C2CD3: variants seen among roughly 807,000 people sequenced by gnomAD.
The protein encoded by C2CD3 is C2 domain-containing protein 3.
A neutral mutation model predicts 234.0 loss-of-function variants in C2CD3; 148 were observed. The observed-to-expected ratio is 0.63, with a 90% CI of 0.55 to 0.72. The LOEUF is 0.72. Among genes scored for constraint, C2CD3 ranks in the 30% least tolerant of loss-of-function variants. The pLI, the probability that C2CD3 is intolerant of heterozygous loss-of-function variation, is 0.00. For synonymous variants in C2CD3, 1,000 were observed against 1,035.4 expected, an observed-to-expected ratio of 0.97 and a Z score of 0.66; for missense variants, 2,577 against 2,811.5, an observed-to-expected ratio of 0.92 and a Z score of 1.89.
In C2CD3 at chr11:74,118,267, TC is replaced by T; in HGVS notation, c.1480del (p.Asp494IlefsTer4). The T allele has an allele frequency of 6.2e-7, 1 of 1,613,944 alleles. No individual in the cohort carries two copies. The highest frequency in any genetic ancestry group is 8.5e-7 in the Non-Finnish European group (1 of 1,179,882). On this transcript the variant is annotated frameshift_variant, in exon 9 of 33. Transcript: ENST00000334126. LOFTEE classifies it high-confidence loss of function. ...ARSSKVLESS[D>X]HKLKKRSAGK... ...TGCTGACCTCTTCTTCAGCTTATGA[TC>T]ACTTGACTCCAGAACCTTAGATGAT...
chr11:74,085,415 A>T lies in C2CD3; in HGVS notation c.3910+203T>A, dbSNP rs991215265. 5 of 574,522 alleles carry T rather than the reference A, an allele frequency of 8.7e-6. No individual in the cohort carries two copies. The African/African-American group carries it at 9.3e-5, about 11-fold the overall frequency. 35.6% of individuals were successfully genotyped at this position (574,522 alleles called of 1,614,324 possible). A position where few individuals can be genotyped will look rare whatever the true frequency, so the allele number is the denominator to read the frequency against. Reference sequence around the variant, plus strand: ...TCGATACACCCATTAACACTGACACATTTGCTTTATTTCTCTCTACACTAT... The same window carrying T: ...TCGATACACCCATTAACACTGACACTTTTGCTTTATTTCTCTCTACACTAT... On this transcript the variant is annotated intron_variant, in intron 21 of 32. Transcript: ENST00000334126.
intron 24 of C2CD3, among the ~76,000 whole-genome samples, chr11:74,067,717 T>C (rs1322004102): frequency 1.3e-5 from 2 of 152,206 alleles, no homozygotes; most frequent in African/African-American, 4.8e-5. Context: ...GAACAGTATT[T>C]ATGCGGATTG....
intron 24 of C2CD3, among the ~76,000 whole-genome samples, chr11:74,058,038 A>G (rs1298429791): frequency 6.6e-6 from 1 of 152,188 alleles, no homozygotes; most frequent in Non-Finnish European, 1.5e-5. Flanking sequence ...CAGTTCATAA[A>G]TATTCTCCAA....
intron 9 of C2CD3, among the ~76,000 whole-genome samples, chr11:74,115,069 G>A (rs918275430): frequency 7.9e-5 from 12 of 151,174 alleles, no homozygotes; most frequent in Admixed American, 2.6e-4. Context: ...TGGTCCTATA[G>A]TACAAGAAAT....
chr11:74,141,695 C>T (rs1431641145), intron 3 of C2CD3, among the ~76,000 whole-genome samples: 1 of 152,118 alleles, frequency 6.6e-6, no homozygotes, highest in Non-Finnish European at 1.5e-5. Context: ...CTCTGTGCTA[C>T]CTCCCTGAGG....
intron 31 of C2CD3, 122 bp downstream of exon 31, chr11:74,033,229 T>C (rs1201544423): frequency 6.6e-6 from 5 of 757,446 alleles, no homozygotes; most frequent in Admixed American, 2.8e-5. Flanking sequence ...TGGGGTCTTC[T>C]GAAGGAATGG....
At chr11:74,023,536 C>T (rs190743653) in intron 32 of C2CD3, among the ~76,000 whole-genome samples, 107 of 152,370 alleles carry the variant, frequency 7.0e-4, no homozygotes, top group African/African-American at 2.5e-3. Flanking sequence ...AATCTCTAAT[C>T]CTGTCTGCTT....
At chr11:74,151,913 A>G (rs529776378) in intron 3 of C2CD3, among the ~76,000 whole-genome samples, 3 of 152,324 alleles carry the variant, frequency 2.0e-5, no homozygotes, top group African/African-American at 7.2e-5. Context: ...AGAGATGAAA[A>G]TATTTGAAAT....
At chr11:74,024,537 A>C (rs1952215129) in intron 32 of C2CD3, among the ~76,000 whole-genome samples, 1 of 152,242 alleles carries the variant, frequency 6.6e-6, no homozygotes, top group Admixed American at 6.5e-5. Flanking sequence ...AGGCCTTTTT[A>C]ATAAAGGCCA....
chr11:74,168,482 C>T lies in C2CD3; in HGVS notation c.187G>A (p.Val63Met). ...AKPPTCVLVRVRWWGETSDGT... is the reference protein window; with the variant it reads ...AKPPTCVLVRMRWWGETSDGT... ...TCTGATGTTTCTCCCCACCATCTCA[C>T]TCGGACAAGTACACAAGTGGGAGGC... The change falls in exon 2 of 33, where the codon GTG becomes ATG. Residue 63 changes from valine (V) to methionine (M), a missense_variant. Coordinates refer to ENST00000334126, the MANE Select transcript of C2CD3 (RefSeq NM_001286577.2). 6.2e-7 allele frequency: 1 copy of T among 1,614,210 alleles called. No individual in the cohort carries two copies. The highest frequency in any genetic ancestry group is 8.5e-7 in the Non-Finnish European group (1 of 1,180,038).
chr11:74,156,458 T>TC (rs1856027833), intron 3 of C2CD3, among the ~76,000 whole-genome samples: 1 of 70,272 alleles, frequency 1.4e-5, no homozygotes, highest in African/African-American at 7.7e-5. Flanking sequence ...AGACCCTATC[T>TC]CAAAAAAAAA....
chr11:74,118,043 C>G (rs1005221077), intron 9 of C2CD3, among the ~76,000 whole-genome samples, 185 bp downstream of exon 9: 1 of 152,080 alleles, frequency 6.6e-6, no homozygotes, highest in Non-Finnish European at 1.5e-5. Context: ...TTCCCCAAAA[C>G]CTATGGAAAA....
At chr11:74,163,938 A>G (rs1311446189) in intron 2 of C2CD3, among the ~76,000 whole-genome samples, 1 of 152,154 alleles carries the variant, frequency 6.6e-6, no homozygotes, top group Admixed American at 6.5e-5. Flanking sequence ...AATTCTCTTA[A>G]CAACTCTACG....
At chr11:74,114,920 T>C (rs999801313) in intron 9 of C2CD3, among the ~76,000 whole-genome samples, 1 of 151,996 alleles carries the variant, frequency 6.6e-6, no homozygotes, top group Non-Finnish European at 1.5e-5. Context: ...CAGGCTGGTC[T>C]TGAACTCCCG....
At chr11:74,092,046 G>A (rs549532196) in intron 19 of C2CD3, among the ~76,000 whole-genome samples, 47 of 149,026 alleles carry the variant, frequency 3.2e-4, no homozygotes, top group East Asian at 1.6e-3. Context: ...GTGTGTGTGT[G>A]TATATATATA....
At chr11:74,103,024 G>T (rs532545044) in intron 14 of C2CD3, 107 bp downstream of exon 14, 3 of 1,127,648 alleles carry the variant, frequency 2.7e-6, no homozygotes, top group Non-Finnish European at 3.8e-6. Flanking sequence ...AATTACGAAG[G>T]TTCCTTCTAG....
intron 11 of C2CD3, among the ~76,000 whole-genome samples, chr11:74,112,036 A>C (rs148528193): frequency 2.1e-3 from 313 of 152,184 alleles, no homozygotes; most frequent in African/African-American, 6.9e-3. Flanking sequence ...TAAAAGCAAC[A>C]ATCTTGATTG....
intron 27 of C2CD3, 46 bp downstream of exon 27, chr11:74,049,291 G>C (rs1355527431): frequency 1.3e-6 from 2 of 1,486,204 alleles, no homozygotes. Flanking sequence ...GTTCTTATAG[G>C]TCAGTACAAT....
intron 7 of C2CD3, chr11:74,130,077 CGGAGACCGTGGGGAGAGGGAGAGGGAGAG>C (rs1288438180): frequency 1.1e-4 from 14 of 125,156 alleles, no homozygotes; most frequent in African/African-American, 4.1e-4. Flanking sequence ...GAGAGGGAGA[CGGAGACCGTGGGGAGAGGGAGAGGGAGAG>C]GGAGACCGTG....
Sources: gnomAD v4.1 joint callset for allele counts (sites outside exome capture counted in the v4.1 genomes callset) on GRCh38, gnomAD v4.1.1 for gene constraint, MANE v1.5 for transcripts, NCBI Gene and HGNC (gene_info 2026-07-23, HGNC 2026-07-21) for gene names.